PSMB2: variants seen among roughly 807,000 people sequenced by gnomAD.
The protein encoded by PSMB2 is proteasome subunit beta type-2.
PSMB2 carries 13 observed loss-of-function variants against 25.7 expected under a neutral mutation model. The observed-to-expected ratio is 0.51, with a 90% CI of 0.33 to 0.80. PSMB2 has a LOEUF of 0.80. Ranked by LOEUF, PSMB2 falls within the 30% of genes least tolerant of loss-of-function variation. The pLI is 0.02. For synonymous variants in PSMB2, 87 were observed against 96.2 expected (o/e 0.90, Z 0.56); for missense variants, 202 against 259.0 (o/e 0.78, Z 1.51).
In PSMB2 at chr1:35,622,810, TAA is replaced by T. The variant is rs113355309; in HGVS notation, c.285+8462_285+8463del. ...CTAGGGCTAGGAAAAACAGCACATT[TAA>T]AAAAAAAAAAAAAGAAAGAAAAAGA... On this transcript the variant is annotated intron_variant, in intron 3 of 5. Coordinates refer to ENST00000373237, the MANE Select transcript of PSMB2 (RefSeq NM_002794.5). Among the ~76,000 whole-genome samples, 516 of 133,020 alleles carry T rather than the reference TAA, an allele frequency of 3.9e-3. 3 individuals carry two copies. The highest frequency in any genetic ancestry group is 0.013 in the African/African-American group (482 of 36,002). The allele number at this position is 133,020 out of a possible 152,430, so 87.3% of individuals were successfully genotyped here. A position where few individuals can be genotyped will look rare whatever the true frequency, so the allele number is the denominator to read the frequency against.
At chr1:35,605,196 C>A (rs199631280) in intron 5 of PSMB2, 37 bp downstream of exon 5, 1 of 1,576,082 alleles carries the variant, frequency 6.3e-7, no homozygotes, top group African/African-American at 1.4e-5. Context: ...AACAGAGAGA[C>A]AAACATTCCT....
chr1:35,611,594 C>T lies in PSMB2; in HGVS notation c.286-2186G>A, dbSNP rs981973400. On this transcript the variant is annotated intron_variant, in intron 3 of 5. Coordinates refer to ENST00000373237, the MANE Select transcript of PSMB2 (RefSeq NM_002794.5). ...ATCCCAGCACTTTGGGAGGCCGAGG[C>T]GGGCAGATTACTTGAGGTTAGGAGT... is the stretch of plus-strand genomic sequence containing the variant. Among the ~76,000 whole-genome samples the T allele has an allele frequency of 2.6e-5, 4 of 152,092 alleles. No homozygotes were observed. The South Asian group carries it at 6.2e-4, about 24-fold the overall frequency.
chr1:35,631,205 T>C (rs1651084334), intron 3 of PSMB2, 69 bp downstream of exon 3: 2 of 1,509,082 alleles, frequency 1.3e-6, no homozygotes, highest in Non-Finnish European at 1.8e-6. Context: ...TACTCATGTA[T>C]AATGAGAATA....
At chr1:35,637,666 T>C (rs1322635819) in intron 1 of PSMB2, among the ~76,000 whole-genome samples, 2 of 152,220 alleles carry the variant, frequency 1.3e-5, no homozygotes, top group African/African-American at 2.4e-5. Flanking sequence ...TGTCAAATAC[T>C]TTACAAGTGT....
chr1:35,611,911 T>A (rs1448860680), intron 3 of PSMB2, among the ~76,000 whole-genome samples: 1 of 151,934 alleles, frequency 6.6e-6, no homozygotes, highest in Non-Finnish European at 1.5e-5. Flanking sequence ...GCTCAAGTAA[T>A]CCTTCCACCT....
intron 3 of PSMB2, among the ~76,000 whole-genome samples, chr1:35,617,189 C>A (rs1205589627): frequency 6.6e-6 from 1 of 152,158 alleles, no homozygotes; most frequent in Non-Finnish European, 1.5e-5. Flanking sequence ...GCTGGTATAA[C>A]AGGCGCACGC....
chr1:35,616,134 C>T (rs929482643), intron 3 of PSMB2, among the ~76,000 whole-genome samples: 1 of 152,170 alleles, frequency 6.6e-6, no homozygotes, highest in African/African-American at 2.4e-5. Flanking sequence ...AAAGAGGAAA[C>T]AGTAACTTGC....
At chr1:35,640,432 A>T (rs1651361831) in intron 1 of PSMB2, among the ~76,000 whole-genome samples, 2 of 152,212 alleles carry the variant, frequency 1.3e-5, no homozygotes, top group South Asian at 4.1e-4. Context: ...AGGCAAATAA[A>T]TGACAGGGCT....
chr1:35,631,232 G>A (rs771317408), intron 3 of PSMB2, 42 bp downstream of exon 3: 3 of 1,578,110 alleles, frequency 1.9e-6, no homozygotes, highest in African/African-American at 1.3e-5. Flanking sequence ...AAGCACAAAG[G>A]ATTTTTCTGC....
intron 3 of PSMB2, among the ~76,000 whole-genome samples, chr1:35,623,510 T>C (rs546052510): frequency 6.6e-6 from 1 of 151,814 alleles, no homozygotes; most frequent in African/African-American, 2.4e-5. Context: ...AAGCTGGCTC[T>C]GTCTGTCAAG....
chr1:35,625,298 G>C (rs1266216791), intron 3 of PSMB2, among the ~76,000 whole-genome samples: 1 of 152,134 alleles, frequency 6.6e-6, no homozygotes, highest in Admixed American at 6.5e-5. Context: ...AGTGAAACCC[G>C]ACGATTACAC....
chr1:35,615,483 A>T (rs1650467087), intron 3 of PSMB2, among the ~76,000 whole-genome samples: 1 of 152,204 alleles, frequency 6.6e-6, no homozygotes, highest in African/African-American at 2.4e-5. Context: ...AAAAAGAAAC[A>T]CTGTAGTAAC....
chr1:35,631,662 T>A lies in PSMB2; in HGVS notation c.215-318A>T, dbSNP rs1043080549. The A allele has an allele frequency of 4.1e-5, 11 of 266,770 alleles. 1 individual carries two copies. The highest frequency in any genetic ancestry group is 6.3e-5 in the Non-Finnish European group (10 of 157,934). 16.5% of individuals were successfully genotyped at this position (266,770 alleles called of 1,614,324 possible). A position where few individuals can be genotyped will look rare whatever the true frequency, so the allele number is the denominator to read the frequency against. On this transcript the variant is annotated intron_variant, in intron 2 of 5. Transcript: ENST00000373237. ...TGCCGTAGAAGGAAAGGAACACGAA[T>A]ACACAAGAAGTGAAAAAAAAAGAAA...
chr1:35,600,264 T>C lies in PSMB2; in HGVS notation c.*3003A>G. The C allele has an allele frequency of 2.0e-6, 2 of 984,264 alleles. No individual in the cohort carries two copies. Among genetic ancestry groups the C allele is most frequent in the African/African-American group, 3.5e-5 (2 of 57,338 alleles). The allele number at this position is 984,264 out of a possible 1,614,324, so 61.0% of individuals were successfully genotyped here. On this transcript the variant is annotated 3_prime_UTR_variant, in exon 6 of 6. Transcript: ENST00000373237. The stretch of plus-strand genomic sequence containing the variant: ...GGCATAAAAATGATGCCCAGCTAAA[T>C]GCAATGTTGTATCTTGGATTATATC...
Position 35,599,629 on chromosome 1 carries a change from GTCAAA to G in PSMB2, c.*3633_*3637del. On this transcript the variant is annotated 3_prime_UTR_variant, in exon 6 of 6. Coordinates refer to ENST00000373237, the MANE Select transcript of PSMB2 (RefSeq NM_002794.5). ...GAGAGGATTATGGAATGCCTAGCAT[GTCAAA>G]TCAAAGAATTGGGCTTTATTCTCTT... The G allele has an allele frequency of 1.0e-6, 1 of 984,034 alleles. No homozygotes were observed. Among genetic ancestry groups the G allele is most frequent in the Non-Finnish European group, 1.2e-6 (1 of 828,682 alleles). The allele number at this position is 984,034 out of a possible 1,614,324, so 61.0% of individuals were successfully genotyped here. A position where few individuals can be genotyped will look rare whatever the true frequency, so the allele number is the denominator to read the frequency against.
chr1:35,635,828 C>CAAAAAAAAA (rs1163061850), intron 2 of PSMB2, among the ~76,000 whole-genome samples: 7 of 34,232 alleles, frequency 2.0e-4, no homozygotes, highest in Non-Finnish European at 5.1e-4. Flanking sequence ...GACTCCGTCT[C>CAAAAAAAAA]AAAAAAAAAA....
chr1:35,601,315 C>T lies in PSMB2; in HGVS notation c.*1952G>A. 1 of 940,382 alleles carries T rather than the reference C, an allele frequency of 1.1e-6. No individual in the cohort carries two copies. Among genetic ancestry groups the T allele is most frequent in the Non-Finnish European group, 1.3e-6 (1 of 789,266 alleles). The allele number at this position is 940,382 out of a possible 1,614,324, so 58.3% of individuals were successfully genotyped here. A position where few individuals can be genotyped will look rare whatever the true frequency, so the allele number is the denominator to read the frequency against. On this transcript the variant is annotated 3_prime_UTR_variant, in exon 6 of 6. Coordinates refer to ENST00000373237, the MANE Select transcript of PSMB2 (RefSeq NM_002794.5). Reference sequence around the variant, plus strand: ...TGAACTCCTGACCTCAGGTGATCCGCCCGCCTCGGCGGGCGGCCAAAGTGC... The same window carrying T: ...TGAACTCCTGACCTCAGGTGATCCGTCCGCCTCGGCGGGCGGCCAAAGTGC...
rs146352639 is a variant in PSMB2, at chr1:35,634,627, C to G, written c.214+1683G>C. On this transcript the variant is annotated intron_variant, in intron 2 of 5. Coordinates refer to ENST00000373237, the MANE Select transcript of PSMB2 (RefSeq NM_002794.5). ...TCCTGACCTCAAGTGATCCTCCCAT[C>G]TCAGCCTCTCAAAAGTGCTGGGATT... Among the ~76,000 whole-genome samples, 1,019 of 152,290 alleles carry G rather than the reference C, an allele frequency of 6.7e-3. 15 individuals are homozygous for G. The highest frequency in any genetic ancestry group is 0.02 in the African/African-American group (846 of 41,554).
At chr1:35,610,536 C>T (rs1222615604) in intron 3 of PSMB2, among the ~76,000 whole-genome samples, 1 of 152,072 alleles carries the variant, frequency 6.6e-6, no homozygotes, top group African/African-American at 2.4e-5. Flanking sequence ...GCTCTTGTCC[C>T]CCAGGCTGGA....
Sources: gnomAD v4.1 joint callset for allele counts (sites outside exome capture counted in the v4.1 genomes callset) on GRCh38, gnomAD v4.1.1 for gene constraint, MANE v1.5 for transcripts, NCBI Gene and HGNC (gene_info 2026-07-23, HGNC 2026-07-21) for gene names.